CYP4F12: variants seen among roughly 807,000 people sequenced by gnomAD.
CYP4F12 encodes cytochrome P450 4F12.
CYP4F12 carries 60 observed loss-of-function variants against 56.5 expected under a neutral mutation model. That is an observed-to-expected ratio of 1.06 (90% CI 0.86 to 1.32). The LOEUF (loss-of-function observed/expected upper bound fraction) is 1.32, where lower values mean the gene tolerates loss of function less well. CYP4F12 is among the 40% of genes most tolerant of loss of function. The pLI, the probability that CYP4F12 is intolerant of heterozygous loss-of-function variation, is 0.00. For synonymous variants in CYP4F12, 263 were observed against 264.9 expected, an observed-to-expected ratio of 0.99 and a Z score of 0.07; for missense variants, 711 against 683.5, an observed-to-expected ratio of 1.04 and a Z score of -0.45.
rs1245158896 is a variant in CYP4F12 at position 15,696,016 on chromosome 19, C to A, written c.1196C>A (p.Ser399Tyr). The change falls in exon 10 of 13, where the codon TCC (serine) becomes TAC (tyrosine). Residue 399 changes from serine to tyrosine, a missense_variant. By Grantham distance (144) the Ser-to-Tyr change is moderately radical. Coordinates refer to ENST00000550308, the MANE Select transcript of CYP4F12 (RefSeq NM_023944.4). ...TTACATCCCCCAGCTCCCTTCATCT[C>A]CCGATGCTGCACCCAGGACATTGTT... The part of the protein sequence containing the change: ...LRLHPPAPFI[S>Y]RCCTQDIVLP... 1.2e-6 allele frequency: 2 copies of A among 1,614,036 alleles called. No individual in the cohort carries two copies. The highest frequency in any genetic ancestry group is 8.5e-7 in the Non-Finnish European group (1 of 1,179,976).
At chr19:15,678,427 T>C (rs1343578467) in intron 3 of CYP4F12, 22 bp downstream of exon 3, 3 of 1,613,760 alleles carry the variant, frequency 1.9e-6, no homozygotes, top group African/African-American at 1.3e-5. Context: ...GAGCTTGTGG[T>C]GGTGGGTGCC....
At chr19:15,689,248 A>T (rs115579722) in intron 9 of CYP4F12, among the ~76,000 whole-genome samples, 2,701 of 149,802 alleles carry the variant, frequency 0.018, 2 homozygotes, top group African/African-American at 0.064. Flanking sequence ...CAAACAACTC[A>T]GCAAGGAAAA....
intron 5 of CYP4F12, chr19:15,681,074 T>C (rs2007274480): frequency 5.7e-6 from 1 of 174,400 alleles, no homozygotes; most frequent in Admixed American, 5.6e-5. Context: ...CACCCTGTTG[T>C]TCACATGGCA....
At chr19:15,676,165 G>A (rs2006909099) in intron 2 of CYP4F12, among the ~76,000 whole-genome samples, 1 of 152,228 alleles carries the variant, frequency 6.6e-6, no homozygotes, top group African/African-American at 2.4e-5. Context: ...ATGGGGTCTG[G>A]CGTCTCAGGG....
chr19:15,677,138 C>T, intron 2 of CYP4F12, among the ~76,000 whole-genome samples: 1 of 109,186 alleles, frequency 9.2e-6, no homozygotes, highest in African/African-American at 3.3e-5. Context: ...TATCCTCACT[C>T]ACTCATTCCT....
At chr19:15,676,306 C>G (rs1309757328) in intron 2 of CYP4F12, among the ~76,000 whole-genome samples, 1 of 151,532 alleles carries the variant, frequency 6.6e-6, no homozygotes, top group African/African-American at 2.4e-5. Flanking sequence ...CTTACTCATT[C>G]CTGTGCCCAT....
chr19:15,693,002 A>T (rs6512057), intron 9 of CYP4F12, among the ~76,000 whole-genome samples: 42,930 of 151,834 alleles, frequency 0.28, 6,565 homozygotes, highest in African/African-American at 0.39. Context: ...CACTTGAACC[A>T]GGGAGGTGGA....
chr19:15,677,757 T>A lies in CYP4F12; in HGVS notation c.199-504T>A, dbSNP rs1304887288. ...CCTCACTCACTCATTCCTCTACCCA[T>A]GCACTCATTCTTCTCCTCACTCATT... is the stretch of plus-strand genomic sequence containing the variant. On this transcript the variant is annotated intron_variant, in intron 2 of 12. Transcript: ENST00000550308. 1.6e-4 allele frequency among the ~76,000 whole-genome samples: 2 copies of A among 12,200 alleles called. 1 individual carries two copies. The highest frequency in any genetic ancestry group is 0.012 in the East Asian group (2 of 166). 8.0% of individuals were successfully genotyped at this position (12,200 alleles called of 152,430 possible). A position where few individuals can be genotyped will look rare whatever the true frequency, so the allele number is the denominator to read the frequency against.
At chr19:15,692,983 C>T (rs2007943174) in intron 9 of CYP4F12, among the ~76,000 whole-genome samples, 1 of 152,030 alleles carries the variant, frequency 6.6e-6, no homozygotes, top group Admixed American at 6.6e-5. Context: ...GAGGCTGAGG[C>T]AGTAGAATCA....
intron 7 of CYP4F12, chr19:15,684,002 T>G (rs2007461365): frequency 2.6e-6 from 1 of 379,184 alleles, no homozygotes; most frequent in Non-Finnish European, 4.6e-6. Context: ...TGTGTTAGTC[T>G]TTCACATTTT....
chr19:15,682,350 G>A (rs557792291), intron 5 of CYP4F12, 39 bp from the exon 6 acceptor site: 1 of 1,607,114 alleles, frequency 6.2e-7, no homozygotes, highest in South Asian at 1.1e-5. Context: ...CACAAAGGAG[G>A]CAGGGCCCAG....
intron 7 of CYP4F12, 179 bp downstream of exon 7, chr19:15,683,942 T>C (rs1471491204): frequency 1.5e-6 from 1 of 648,970 alleles, no homozygotes; most frequent in East Asian, 3.0e-5. Flanking sequence ...AGGGCACTGC[T>C]AATTCTGAAA....
chr19:15,696,391 G>A, intron 11 of CYP4F12, 39 bp from the exon 12 acceptor site: 1 of 1,613,896 alleles, frequency 6.2e-7, no homozygotes, highest in Non-Finnish European at 8.5e-7. Flanking sequence ...GCTGGACATA[G>A]GAAATCCCAC....
At position 15,682,513 on chromosome 19, in the gene CYP4F12, G is replaced by A; in HGVS notation, c.647+3G>A. 6.2e-7 allele frequency: 1 copy of A among 1,613,142 alleles called. No individual in the cohort carries two copies. The highest frequency in any genetic ancestry group is 8.5e-7 in the Non-Finnish European group (1 of 1,179,364). Reference sequence around the variant, plus strand: ...AGCTTTGACAGCCATTGTCAGGAGTGAGTTCCTTCCTAGGGCCTGGGATAT... The same window carrying A: ...AGCTTTGACAGCCATTGTCAGGAGTAAGTTCCTTCCTAGGGCCTGGGATAT... On this transcript the variant is annotated splice_donor_region_variant and intron_variant, in intron 6 of 12. Coordinates refer to ENST00000550308, the MANE Select transcript of CYP4F12 (RefSeq NM_023944.4).
intron 9 of CYP4F12, among the ~76,000 whole-genome samples, chr19:15,694,540 G>A (rs1387205592): frequency 1.3e-5 from 2 of 152,140 alleles, no homozygotes; most frequent in Non-Finnish European, 2.9e-5. Context: ...CATTGATTTT[G>A]TATCCTGAGA....
chr19:15,678,373 C>A lies in CYP4F12; in HGVS notation c.311C>A (p.Pro104His). 1 of 1,614,190 alleles carries A rather than the reference C, an allele frequency of 6.2e-7. No homozygotes were observed. The highest frequency in any genetic ancestry group is 8.5e-7 in the Non-Finnish European group (1 of 1,180,030). Residue 104 changes from proline (P) to histidine (H), a missense_variant, in exon 3 of 13, where the codon CCT (proline) becomes CAT (histidine). Coordinates refer to ENST00000550308, the MANE Select transcript of CYP4F12 (RefSeq NM_023944.4). ...PIIPFIVLCH[P>H]DTIRSITNAS... The stretch of plus-strand genomic sequence containing the variant: ...ATCCCCTTCATCGTTTTATGCCACC[C>A]TGACACCATCCGGTCTATCACCAAT...
intron 9 of CYP4F12, among the ~76,000 whole-genome samples, chr19:15,689,461 T>C (rs1278861753): frequency 1.3e-5 from 2 of 152,242 alleles, no homozygotes; most frequent in African/African-American, 4.8e-5. Flanking sequence ...CAAAAAACAA[T>C]AGATGTATGT....
At chr19:15,687,975 C>G (rs1327665345) in intron 9 of CYP4F12, among the ~76,000 whole-genome samples, 1 of 152,176 alleles carries the variant, frequency 6.6e-6, no homozygotes, top group East Asian at 1.9e-4. Flanking sequence ...CTCCCTTGAC[C>G]AGAACCCGGG....
At position 15,683,571 on chromosome 19, in the gene CYP4F12, C is replaced by G. The variant is rs764943282; in HGVS notation, c.726C>G (p.His242Gln). The part of the protein sequence containing the change: ...VEKRSQHILQ[H>Q]MDFLYYLSHD... ...AAAGAAGCCAGCATATCCTCCAGCACATGGACTTTCTGTATTACCTCTCCC... is the reference window on the plus strand; with the variant it reads ...AAAGAAGCCAGCATATCCTCCAGCAGATGGACTTTCTGTATTACCTCTCCC... The change falls in exon 7 of 13, where the codon CAC becomes CAG. Residue 242 changes from histidine (H) to glutamine (Q), a missense_variant. By Grantham distance (24) the His-to-Gln change is conservative. Transcript: ENST00000550308. The G allele has an allele frequency of 1.9e-6, 3 of 1,614,174 alleles. No individual in the cohort carries two copies. The East Asian group carries it at 6.7e-5, about 36-fold the overall frequency.
Sources: allele counts gnomAD v4.1 joint callset (sites outside exome capture counted in the v4.1 genomes callset), GRCh38; gene constraint gnomAD v4.1.1; transcripts MANE v1.5; gene names NCBI Gene and HGNC (gene_info 2026-07-23, HGNC 2026-07-21).